The following SPOCK3 variants were observed in gnomAD, a reference collection of about 807,000 sequenced individuals.
SPOCK3 encodes the protein SPARC (osteonectin), cwcv and kazal like domains proteoglycan 3.
Under a neutral mutation model 56.6 loss-of-function variants are expected in SPOCK3, and 30 were observed. The ratio of observed to expected loss-of-function variants is 0.53; its 90% CI spans 0.40 to 0.72. The LOEUF is 0.72. Among genes scored for constraint, SPOCK3 ranks in the 30% least tolerant of loss-of-function variants. SPOCK3 has a pLI of 0.00. For missense variants in SPOCK3, 527 were observed against 530.0 expected, an observed-to-expected ratio of 0.99 and a Z score of 0.06; for synonymous variants, 196 against 183.3, an observed-to-expected ratio of 1.07 and a Z score of -0.56.
At chr4:167,071,099 C>A (rs1175741318) in intron 2 of SPOCK3, among the ~76,000 whole-genome samples, 2 of 151,932 alleles carry the variant, frequency 1.3e-5, no homozygotes, top group African/African-American at 2.4e-5. Flanking sequence ...CTGAAAGTCT[C>A]TGAAAATTGA....
chr4:167,125,714 C>CA (rs1762219430), intron 2 of SPOCK3, among the ~76,000 whole-genome samples: 1 of 151,864 alleles, frequency 6.6e-6, no homozygotes, highest in Non-Finnish European at 1.5e-5. Context: ...GACTCCGTCT[C>CA]AAAAAAATAA....
Position 166,744,569 on chromosome 4 carries a change from G to A in SPOCK3, c.932-2510C>T, listed in dbSNP as rs561256954. Among the ~76,000 whole-genome samples the A allele has an allele frequency of 6.0e-4, 91 of 152,224 alleles. 1 individual carries two copies. Among genetic ancestry groups the A allele is most frequent in the Middle Eastern group, 6.8e-3 (2 of 294 alleles). ...AGCTGAAAATTCTAAAAACCAGAGC[G>A]CCTATTCTCCTCCAAAGGAACGCAG... On this transcript the variant is annotated intron_variant, in intron 8 of 10. Coordinates refer to ENST00000357545, the MANE Select transcript of SPOCK3 (RefSeq NM_001040159.2).
intron 2 of SPOCK3, among the ~76,000 whole-genome samples, chr4:167,160,467 C>T (rs574775046): frequency 2.6e-5 from 4 of 152,128 alleles, no homozygotes; most frequent in South Asian, 4.2e-4. Flanking sequence ...CCATACTGCC[C>T]AAGGTAATTT....
intron 4 of SPOCK3, among the ~76,000 whole-genome samples, chr4:166,923,713 T>G (rs1738756848): frequency 6.6e-6 from 1 of 152,212 alleles, no homozygotes; most frequent in South Asian, 2.1e-4. Flanking sequence ...CTGATTCTTC[T>G]GTCAGTAAAG....
At chr4:166,740,556 C>T (rs1045298128) in intron 9 of SPOCK3, among the ~76,000 whole-genome samples, 3 of 150,356 alleles carry the variant, frequency 2.0e-5, no homozygotes, top group South Asian at 2.1e-4. Context: ...GATGGAGTCT[C>T]GCTCTGTTAC....
intron 6 of SPOCK3, among the ~76,000 whole-genome samples, chr4:166,794,306 T>C (rs1286344889): frequency 1.3e-5 from 2 of 151,514 alleles, no homozygotes; most frequent in African/African-American, 4.8e-5. Flanking sequence ...ACATGGGTCT[T>C]CTGCTCCCCT....
chr4:166,813,907 A>C (rs553415012), intron 6 of SPOCK3, among the ~76,000 whole-genome samples: 4 of 152,230 alleles, frequency 2.6e-5, no homozygotes, highest in East Asian at 1.9e-4. Flanking sequence ...ATTGGTTTGC[A>C]AAGAGTCCCT....
At chr4:167,126,423 C>A (rs1270235469) in intron 2 of SPOCK3, among the ~76,000 whole-genome samples, 1 of 152,080 alleles carries the variant, frequency 6.6e-6, no homozygotes, top group Non-Finnish European at 1.5e-5. Context: ...ATGGTGCACA[C>A]CTGAAATCCT....
At chr4:166,789,385 C>T (rs935069683) in intron 7 of SPOCK3, among the ~76,000 whole-genome samples, 5 of 151,978 alleles carry the variant, frequency 3.3e-5, no homozygotes, top group African/African-American at 7.3e-5. Flanking sequence ...GCCGAGATCA[C>T]GCCATTGCAC....
intron 4 of SPOCK3, among the ~76,000 whole-genome samples, chr4:166,927,369 C>T (rs996507162): frequency 6.6e-6 from 1 of 152,092 alleles, no homozygotes; most frequent in African/African-American, 2.4e-5. Flanking sequence ...TAAGGGGTTT[C>T]CACTTTTGCT....
At chr4:167,187,930 G>T (rs1250721165) in intron 2 of SPOCK3, among the ~76,000 whole-genome samples, 1 of 152,104 alleles carries the variant, frequency 6.6e-6, no homozygotes, top group African/African-American at 2.4e-5. Context: ...GTAAGGGGAA[G>T]AAAAAAGACT....
chr4:166,927,781 T>C (rs1739287935), intron 4 of SPOCK3, among the ~76,000 whole-genome samples: 1 of 151,834 alleles, frequency 6.6e-6, no homozygotes, highest in South Asian at 2.1e-4. Context: ...GTCAAGAGAA[T>C]GATGAGGAGA....
intron 6 of SPOCK3, among the ~76,000 whole-genome samples, chr4:166,849,703 G>A (rs867656602): frequency 4.6e-5 from 7 of 151,972 alleles, no homozygotes; most frequent in East Asian, 1.9e-4. Flanking sequence ...TGTAATTTTC[G>A]TCATGCAAAA....
At chr4:166,796,997 G>T (rs1428334453) in intron 6 of SPOCK3, among the ~76,000 whole-genome samples, 2 of 152,062 alleles carry the variant, frequency 1.3e-5, no homozygotes, top group Non-Finnish European at 2.9e-5. Flanking sequence ...ATTACCTAGG[G>T]CCACGATGTC....
chr4:166,905,895 C>A (rs1736553145), intron 5 of SPOCK3, among the ~76,000 whole-genome samples: 1 of 151,786 alleles, frequency 6.6e-6, no homozygotes, highest in Non-Finnish European at 1.5e-5. Flanking sequence ...AAGTACTTAA[C>A]AAATTTAATA....
At chr4:166,808,562 C>T (rs1667649327) in intron 6 of SPOCK3, among the ~76,000 whole-genome samples, 1 of 152,012 alleles carries the variant, frequency 6.6e-6, no homozygotes, top group African/African-American at 2.4e-5. Flanking sequence ...GCACTCTGAT[C>T]TCAGACTTCA....
chr4:166,955,661 A>C (rs1171922583), intron 4 of SPOCK3, among the ~76,000 whole-genome samples: 3 of 146,914 alleles, frequency 2.0e-5, no homozygotes, highest in Non-Finnish European at 4.5e-5. Flanking sequence ...AATATAAATT[A>C]TAATATATAG....
At chr4:166,878,761 G>C (rs573448822) in intron 6 of SPOCK3, among the ~76,000 whole-genome samples, 3 of 152,188 alleles carry the variant, frequency 2.0e-5, no homozygotes, top group Admixed American at 2.0e-4. Context: ...ACTGTAATTA[G>C]GAGGCAGCAA....
At chr4:166,908,885 T>C (rs1560997452) in intron 5 of SPOCK3, among the ~76,000 whole-genome samples, 1 of 152,068 alleles carries the variant, frequency 6.6e-6, no homozygotes, top group Non-Finnish European at 1.5e-5. Flanking sequence ...AGTAAAGAAA[T>C]GAAGGCCTTC....
Sources: gnomAD v4.1 joint callset for allele counts (sites outside exome capture counted in the v4.1 genomes callset) on GRCh38, gnomAD v4.1.1 for gene constraint, MANE v1.5 for transcripts, NCBI Gene and HGNC (gene_info 2026-07-23, HGNC 2026-07-21) for gene names.